Variants in C8orf34 observed in about 807,000 individuals in gnomAD.
C8orf34 encodes uncharacterized protein C8orf34.
In C8orf34, 65 loss-of-function variants were observed where a neutral mutation model predicts 68.3. That is an observed-to-expected ratio of 0.95 (90% confidence interval 0.78 to 1.17). C8orf34 has a LOEUF of 1.17. Among genes scored for constraint, C8orf34 ranks in the 50% most tolerant of loss-of-function variants. The pLI is 0.00. For synonymous variants in C8orf34, 244 were observed against 241.2 expected, an observed-to-expected ratio of 1.01 and a Z score of -0.11; for missense variants, 664 against 655.4, an observed-to-expected ratio of 1.01 and a Z score of -0.14.
intron 8 of C8orf34, among the ~76,000 whole-genome samples, chr8:68,647,818 GA>G (rs1452669657): frequency 6.6e-6 from 1 of 152,144 alleles, no homozygotes; most frequent in Non-Finnish European, 1.5e-5. Flanking sequence ...TTTTAAGCTG[GA>G]AATTATCCTG....
intron 5 of C8orf34, among the ~76,000 whole-genome samples, chr8:68,501,746 C>T (rs1813780946): frequency 6.6e-6 from 1 of 152,082 alleles, no homozygotes; most frequent in African/African-American, 2.4e-5. Flanking sequence ...GTATCTGTCC[C>T]GTGATCAATC....
intron 5 of C8orf34, among the ~76,000 whole-genome samples, chr8:68,512,712 CCTAT>C (rs1392811856): frequency 6.6e-6 from 1 of 151,642 alleles, no homozygotes; most frequent in African/African-American, 2.4e-5. Context: ...TTTAGCTTTT[CCTAT>C]CTAATTTAAA....
At chr8:68,788,295 C>T (rs1226801713) in intron 12 of C8orf34, among the ~76,000 whole-genome samples, 2 of 152,118 alleles carry the variant, frequency 1.3e-5, no homozygotes, top group Admixed American at 6.5e-5. Flanking sequence ...TGATATGTTA[C>T]ATAGGTAGCA....
chr8:68,492,958 T>C (rs1387326510), intron 5 of C8orf34, among the ~76,000 whole-genome samples: 1 of 152,264 alleles, frequency 6.6e-6, no homozygotes, highest in East Asian at 1.9e-4. Flanking sequence ...TACTTCCAGA[T>C]GCTGAAATTT....
At chr8:68,748,387 G>C (rs551348898) in intron 10 of C8orf34, among the ~76,000 whole-genome samples, 6 of 146,244 alleles carry the variant, frequency 4.1e-5, no homozygotes, top group South Asian at 4.3e-4. Context: ...TTGACAAATG[G>C]GATCTAATTA....
At chr8:68,762,183 G>T (rs562084901) in intron 10 of C8orf34, among the ~76,000 whole-genome samples, 19 of 152,118 alleles carry the variant, frequency 1.2e-4, no homozygotes, top group Non-Finnish European at 1.8e-4. Context: ...TGATTAGCTC[G>T]ATTTGTGTCA....
chr8:68,716,704 G>A (rs1821482891), intron 9 of C8orf34, among the ~76,000 whole-genome samples: 1 of 151,724 alleles, frequency 6.6e-6, no homozygotes, highest in South Asian at 2.1e-4. Context: ...TATGAGTTTT[G>A]GAAAAGTTTT....
At chr8:68,355,033 T>G (rs921163494) in intron 1 of C8orf34, among the ~76,000 whole-genome samples, 2 of 152,128 alleles carry the variant, frequency 1.3e-5, no homozygotes, top group African/African-American at 4.8e-5. Context: ...CATCTTAATA[T>G]TTATTCTTTT....
At chr8:68,690,624 G>A (rs1466926523) in intron 8 of C8orf34, among the ~76,000 whole-genome samples, 1 of 151,876 alleles carries the variant, frequency 6.6e-6, no homozygotes, top group Non-Finnish European at 1.5e-5. Flanking sequence ...ATGTATGAGA[G>A]CTCTGCCCTC....
chr8:68,493,498 A>T (rs559822826), intron 5 of C8orf34, among the ~76,000 whole-genome samples: 1 of 152,210 alleles, frequency 6.6e-6, no homozygotes, highest in African/African-American at 2.4e-5. Context: ...GTTTGTGAGG[A>T]TATGGAGAAA....
At chr8:68,794,497 ATATATATATTTTT>A (rs1824115228) in intron 12 of C8orf34, among the ~76,000 whole-genome samples, 2 of 84,090 alleles carry the variant, frequency 2.4e-5, no homozygotes, top group South Asian at 8.2e-4. Context: ...ATATATATAT[ATATATATATTTTT>A]TTTTTTTTTT....
intron 10 of C8orf34, among the ~76,000 whole-genome samples, chr8:68,733,390 C>T (rs989805338): frequency 1.3e-5 from 2 of 152,114 alleles, no homozygotes; most frequent in Non-Finnish European, 2.9e-5. Flanking sequence ...ACTAAGTTAA[C>T]GATTCTCATC....
intron 4 of C8orf34, among the ~76,000 whole-genome samples, chr8:68,471,718 T>A (rs1432062987): frequency 6.6e-6 from 1 of 152,134 alleles, no homozygotes; most frequent in African/African-American, 2.4e-5. Context: ...TAATCATTGA[T>A]GCAAAAGGCT....
At chr8:68,610,861 G>GT (rs60113883) in intron 7 of C8orf34, among the ~76,000 whole-genome samples, 4,076 of 120,406 alleles carry the variant, frequency 0.034, 143 homozygotes, top group African/African-American at 0.094. Context: ...TGAATCTTTG[G>GT]TTTTTTTTTT....
chr8:68,810,240 G>T (rs1387113327), intron 12 of C8orf34, among the ~76,000 whole-genome samples: 1 of 152,174 alleles, frequency 6.6e-6, no homozygotes, highest in Non-Finnish European at 1.5e-5. Context: ...GCGGGCACAG[G>T]GTCTGGCTAC....
At chr8:68,588,615 C>T (rs1445290661) in intron 7 of C8orf34, among the ~76,000 whole-genome samples, 1 of 152,058 alleles carries the variant, frequency 6.6e-6, no homozygotes, top group East Asian at 1.9e-4. Flanking sequence ...ACCAAAAGAA[C>T]TGTAGGTATT....
chr8:68,426,194 A>T (rs896923039), intron 1 of C8orf34, among the ~76,000 whole-genome samples: 6 of 151,508 alleles, frequency 4.0e-5, no homozygotes, highest in South Asian at 4.1e-4. Flanking sequence ...TCAAAATTTA[A>T]AACTTCAGCT....
At chr8:68,502,611 G>GA (rs1368054409) in intron 5 of C8orf34, among the ~76,000 whole-genome samples, 1 of 152,046 alleles carries the variant, frequency 6.6e-6, no homozygotes, top group Non-Finnish European at 1.5e-5. Flanking sequence ...AAAGTGGAGG[G>GA]AAAAAAATCA....
chr8:68,713,332 A>G (rs1441393251), intron 9 of C8orf34, among the ~76,000 whole-genome samples: 5 of 150,636 alleles, frequency 3.3e-5, no homozygotes, highest in African/African-American at 1.2e-4. Context: ...TCAGAGGAGA[A>G]CTAAAACAAA....
Sources: allele counts gnomAD v4.1 joint callset (sites outside exome capture counted in the v4.1 genomes callset), GRCh38; gene constraint gnomAD v4.1.1; transcripts MANE v1.5; gene names NCBI Gene and HGNC (gene_info 2026-07-23, HGNC 2026-07-21).